Variants in MACROD2 observed in about 807,000 individuals in gnomAD.
MACROD2 encodes the protein mono-ADP ribosylhydrolase 2, also known as ADP-ribose glycohydrolase MACROD2.
Under a neutral mutation model 70.4 loss-of-function variants are expected in MACROD2, and 36 were observed. That is an observed-to-expected ratio of 0.51 (90% confidence interval 0.39 to 0.68). The LOEUF (loss-of-function observed/expected upper bound fraction) is 0.68, where lower values mean the gene tolerates loss of function less well. MACROD2 is among the 30% of genes least tolerant of loss of function. The pLI is 0.00. For synonymous variants in MACROD2, 172 were observed against 178.8 expected (o/e 0.96, Z 0.30); for missense variants, 496 against 538.4 (o/e 0.92, Z 0.78).
intron 4 of MACROD2, among the ~76,000 whole-genome samples, chr20:14,543,615 A>T (rs2085458868): frequency 6.6e-6 from 1 of 152,206 alleles, no homozygotes; most frequent in African/African-American, 2.4e-5. Context: ...TATAAATAGG[A>T]GGTTGTAGAA....
At chr20:14,255,683 T>TAATAAATA (rs199558871) in intron 3 of MACROD2, among the ~76,000 whole-genome samples, 2,962 of 136,870 alleles carry the variant, frequency 0.022, 51 homozygotes, top group African/African-American at 0.043. Context: ...CTTAAAAGTA[T>TAATAAATA]AATAAATAAA....
In MACROD2 at chr20:15,832,048, G is replaced by A. The variant is rs146726879; in HGVS notation, c.646-30697G>A. Among the ~76,000 whole-genome samples the A allele has an allele frequency of 4.1e-3, 623 of 152,222 alleles. 14 individuals carry two copies. Among genetic ancestry groups the A allele is most frequent in the Admixed American group, 0.037 (560 of 15,278 alleles). ...GAGAATCCAGATTAGTTTTACCTACGTATGTTCTTTGTCGGACCTGCATGA... is the reference window on the plus strand; with the variant it reads ...GAGAATCCAGATTAGTTTTACCTACATATGTTCTTTGTCGGACCTGCATGA... On this transcript the variant is annotated intron_variant, in intron 8 of 17. Coordinates refer to ENST00000684519, the MANE Select transcript of MACROD2 (RefSeq NM_001351661.2).
At chr20:14,972,394 T>A (rs2423885) in intron 5 of MACROD2, among the ~76,000 whole-genome samples, 36,649 of 152,068 alleles carry the variant, frequency 0.24, 6,159 homozygotes, top group African/African-American at 0.46. Context: ...CTTTCTCTCA[T>A]CTCCTCTCTT....
chr20:14,604,942 T>C (rs918826222), intron 4 of MACROD2, among the ~76,000 whole-genome samples: 3 of 152,204 alleles, frequency 2.0e-5, no homozygotes, highest in Admixed American at 2.0e-4. Flanking sequence ...TAAATTCCCA[T>C]TGGGCATTCT....
At chr20:14,053,968 A>T (rs1042510635) in intron 2 of MACROD2, among the ~76,000 whole-genome samples, 6 of 152,126 alleles carry the variant, frequency 3.9e-5, no homozygotes, top group Non-Finnish European at 8.8e-5. Flanking sequence ...CCTAAACGGT[A>T]AATTAATACT....
intron 5 of MACROD2, among the ~76,000 whole-genome samples, chr20:15,095,861 TTGTG>T (rs11468899): frequency 0.038 from 5,628 of 148,030 alleles, 146 homozygotes; most frequent in South Asian, 0.11. Context: ...ACCATGTTGT[TTGTG>T]TGTGTGTGTG....
chr20:14,137,232 A>G (rs1256257968), intron 3 of MACROD2, among the ~76,000 whole-genome samples: 1 of 103,836 alleles, frequency 9.6e-6, no homozygotes, highest in Non-Finnish European at 2.2e-5. Flanking sequence ...TGATTAACAC[A>G]TGTTTTGTAG....
intron 5 of MACROD2, among the ~76,000 whole-genome samples, chr20:14,964,483 G>C (rs1379117795): frequency 1.3e-5 from 2 of 151,970 alleles, no homozygotes; most frequent in East Asian, 3.9e-4. Flanking sequence ...TGAGGCAGAA[G>C]AATGGCGTGA....
chr20:14,741,812 T>A (rs16994873), intron 5 of MACROD2, among the ~76,000 whole-genome samples: 16,068 of 152,060 alleles, frequency 0.11, 1,362 homozygotes, highest in African/African-American at 0.23. Flanking sequence ...CCAGTTTTTT[T>A]AAAATGAGCC....
intron 6 of MACROD2, among the ~76,000 whole-genome samples, chr20:15,288,879 A>T (rs977235733): frequency 6.6e-6 from 1 of 150,562 alleles, no homozygotes; most frequent in Non-Finnish European, 1.5e-5. Context: ...CTATCTATCT[A>T]TCTATCTATC....
At chr20:15,639,406 T>G (rs1362996989) in intron 8 of MACROD2, among the ~76,000 whole-genome samples, 1 of 152,174 alleles carries the variant, frequency 6.6e-6, no homozygotes. Flanking sequence ...GTCTTTTCTC[T>G]GAAATTCGAG....
In MACROD2 at chr20:15,919,456, G is replaced by A. The variant is rs567113823; in HGVS notation, c.776-13820G>A. Among the ~76,000 whole-genome samples the A allele has an allele frequency of 4.6e-5, 7 of 152,282 alleles. No homozygotes were observed. The East Asian group carries it at 1.3e-3, about 29-fold the overall frequency. ...TTTCAGGTGACTATTAATAATGTGG[G>A]CCAGGCACGGTGGCTCATGCCTGTA... On this transcript the variant is annotated intron_variant, in intron 10 of 17. Transcript: ENST00000684519.
intron 5 of MACROD2, among the ~76,000 whole-genome samples, chr20:14,745,194 C>A (rs554497163): frequency 6.6e-6 from 1 of 152,110 alleles, no homozygotes; most frequent in African/African-American, 2.4e-5. Context: ...CTTTTCAGAA[C>A]CAATTTTTAA....
intron 6 of MACROD2, among the ~76,000 whole-genome samples, chr20:15,259,637 A>G (rs1263844535): frequency 6.6e-6 from 1 of 152,080 alleles, no homozygotes; most frequent in African/African-American, 2.4e-5. Flanking sequence ...TGCAAAAGCA[A>G]TGAATGTAGA....
chr20:14,969,035 C>T (rs1177385848), intron 5 of MACROD2, among the ~76,000 whole-genome samples: 1 of 151,954 alleles, frequency 6.6e-6, no homozygotes, highest in African/African-American at 2.4e-5. Context: ...TATTTCATCT[C>T]AAAGAGTGCA....
At chr20:14,084,730 G>T (rs2054054912) in intron 2 of MACROD2, among the ~76,000 whole-genome samples, 1 of 151,862 alleles carries the variant, frequency 6.6e-6, no homozygotes, top group African/African-American at 2.4e-5. Context: ...AAATCTAGTA[G>T]CACCCTCTAG....
chr20:14,510,000 T>G (rs2085011393), intron 4 of MACROD2, among the ~76,000 whole-genome samples: 1 of 152,044 alleles, frequency 6.6e-6, no homozygotes. Flanking sequence ...CTTTTAAAAG[T>G]CTTTATTGGC....
intron 8 of MACROD2, among the ~76,000 whole-genome samples, chr20:15,830,588 C>G (rs1358533060): frequency 6.6e-6 from 1 of 152,192 alleles, no homozygotes; most frequent in Non-Finnish European, 1.5e-5. Flanking sequence ...AATGAAGACT[C>G]CCAAAGGGGA....
chr20:15,832,801 G>T (rs1383547137), intron 8 of MACROD2, among the ~76,000 whole-genome samples: 3 of 152,174 alleles, frequency 2.0e-5, no homozygotes, highest in Non-Finnish European at 2.9e-5. Flanking sequence ...TGTTCAACAA[G>T]TTGTCCAGAC....
Sources: gnomAD v4.1 joint callset for allele counts (sites outside exome capture counted in the v4.1 genomes callset) on GRCh38, gnomAD v4.1.1 for gene constraint, MANE v1.5 for transcripts, NCBI Gene and HGNC (gene_info 2026-07-23, HGNC 2026-07-21) for gene names.